Variants in ACSL3 observed in about 807,000 individuals in gnomAD.
ACSL3 encodes fatty acid CoA ligase Acsl3.
A neutral mutation model predicts 84.7 loss-of-function variants in ACSL3; 34 were observed. The observed-to-expected ratio is 0.40, with a 90% CI of 0.31 to 0.53. The LOEUF is 0.53. Among genes scored for constraint, ACSL3 ranks in the 20% least tolerant of loss-of-function variants. The probability of loss-of-function intolerance (pLI) is 0.48; values close to 1 mark genes in which losing one functional copy is unlikely to be tolerated. For missense variants in ACSL3, 680 were observed against 873.1 expected, an observed-to-expected ratio of 0.78 and a Z score of 2.79; for synonymous variants, 315 against 299.4, an observed-to-expected ratio of 1.05 and a Z score of -0.54.
At chr2:222,889,626 G>A (rs1695798457) in intron 2 of ACSL3, among the ~76,000 whole-genome samples, 1 of 152,210 alleles carries the variant, frequency 6.6e-6, no homozygotes. Context: ...AGCAAATTTG[G>A]ATTTGTATGT....
At chr2:222,877,842 A>G (rs1438467225) in intron 1 of ACSL3, among the ~76,000 whole-genome samples, 1 of 152,206 alleles carries the variant, frequency 6.6e-6, no homozygotes, top group Admixed American at 6.5e-5. Flanking sequence ...ATTTCTTTGT[A>G]TTACATGATG....
chr2:222,915,181 C>T (rs1353569594), intron 4 of ACSL3, among the ~76,000 whole-genome samples: 1 of 152,192 alleles, frequency 6.6e-6, no homozygotes, highest in African/African-American at 2.4e-5. Flanking sequence ...CCTCACAGAG[C>T]TCCTTTTGAA....
In ACSL3 at chr2:222,944,411, C is replaced by T. The variant is rs1267447981; in HGVS notation, c.*2757C>T. 1 of 151,868 alleles carries T rather than the reference C, an allele frequency of 6.6e-6. No homozygotes were observed. Among genetic ancestry groups the T allele is most frequent in the Admixed American group, 6.6e-5 (1 of 15,248 alleles). The allele number at this position is 151,868 out of a possible 1,614,324, so 9.4% of individuals were successfully genotyped here. ...ATCTGTGATGTTTTACAGGGGGATC[C>T]GCTTTTAAACAGTGTACATATTGGA... On this transcript the variant is annotated 3_prime_UTR_variant, in exon 17 of 17. Coordinates refer to ENST00000357430, the MANE Select transcript of ACSL3 (RefSeq NM_004457.5).
intron 10 of ACSL3, among the ~76,000 whole-genome samples, chr2:222,923,724 C>T (rs910983998): frequency 5.3e-5 from 8 of 152,120 alleles, no homozygotes; most frequent in Non-Finnish European, 8.8e-5. Context: ...GAATTATTGT[C>T]GGGTACCTAA....
intron 1 of ACSL3, among the ~76,000 whole-genome samples, chr2:222,868,659 G>A (rs1695215637): frequency 6.6e-6 from 1 of 152,148 alleles, no homozygotes; most frequent in South Asian, 2.1e-4. Context: ...CAATAATTTA[G>A]GATTTGGTTG....
chr2:222,914,839 T>G (rs1178497013), intron 4 of ACSL3, among the ~76,000 whole-genome samples: 1 of 152,248 alleles, frequency 6.6e-6, no homozygotes. Flanking sequence ...GTAATATTTA[T>G]GAAAAACATA....
chr2:222,865,641 GAA>G (rs1695116894), intron 1 of ACSL3, among the ~76,000 whole-genome samples: 1 of 152,178 alleles, frequency 6.6e-6, no homozygotes, highest in African/African-American at 2.4e-5. Context: ...AGGAAATAGA[GAA>G]AAAGTGCAGA....
At chr2:222,917,972 A>G (rs1002066286) in intron 5 of ACSL3, 74 bp from the exon 6 acceptor site, 3 of 1,074,858 alleles carry the variant, frequency 2.8e-6, no homozygotes, top group East Asian at 2.4e-5. Context: ...ATTATGATTC[A>G]TCTCCACATT....
chr2:222,867,417 A>G (rs1190051119), intron 1 of ACSL3, among the ~76,000 whole-genome samples: 3 of 152,146 alleles, frequency 2.0e-5, no homozygotes, highest in Admixed American at 6.5e-5. Flanking sequence ...TATTATTCCT[A>G]TGTATTTCTG....
At chr2:222,870,151 G>A (rs1250060319) in intron 1 of ACSL3, among the ~76,000 whole-genome samples, 1 of 148,220 alleles carries the variant, frequency 6.7e-6, no homozygotes, top group African/African-American at 2.6e-5. Flanking sequence ...TTGGGGGATG[G>A]AGAGGGATCT....
intron 1 of ACSL3, among the ~76,000 whole-genome samples, chr2:222,885,168 A>G (rs1009986617): frequency 6.6e-6 from 1 of 152,188 alleles, no homozygotes; most frequent in Admixed American, 6.5e-5. Context: ...ACCTAGTAGG[A>G]CCTGTCACCT....
intron 13 of ACSL3, among the ~76,000 whole-genome samples, chr2:222,929,316 G>A (rs1345669398): frequency 6.6e-6 from 1 of 150,476 alleles, no homozygotes; most frequent in African/African-American, 2.4e-5. Flanking sequence ...TTTTTTTTCT[G>A]AGGGCTTCAA....
intron 3 of ACSL3, among the ~76,000 whole-genome samples, chr2:222,906,739 C>T (rs765511539): frequency 3.3e-5 from 5 of 152,002 alleles, no homozygotes; most frequent in Non-Finnish European, 5.9e-5. Flanking sequence ...CTCAGCCTCC[C>T]GAGTAGCTGG....
intron 16 of ACSL3, among the ~76,000 whole-genome samples, chr2:222,937,481 ACACT>A (rs1274887391): frequency 4.6e-5 from 7 of 152,136 alleles, no homozygotes; most frequent in African/African-American, 1.7e-4. Context: ...ATATTTAGAA[ACACT>A]CAAGTTACGC....
At chr2:222,886,555 A>G (rs542991298) in intron 1 of ACSL3, among the ~76,000 whole-genome samples, 2 of 152,362 alleles carry the variant, frequency 1.3e-5, no homozygotes, top group African/African-American at 2.4e-5. Flanking sequence ...AAAAATAACT[A>G]TATAATGACT....
chr2:222,881,384 G>T (rs1017800747), intron 1 of ACSL3, among the ~76,000 whole-genome samples: 3 of 152,216 alleles, frequency 2.0e-5, no homozygotes, highest in African/African-American at 7.2e-5. Context: ...TGGCCTTGTT[G>T]TCCCTTACTT....
In ACSL3 at chr2:222,942,897, T is replaced by C. The variant is rs939823289; in HGVS notation, c.*1243T>C. The C allele has an allele frequency of 9.6e-5, 15 of 155,954 alleles. No individual in the cohort carries two copies. Among genetic ancestry groups the C allele is most frequent in the African/African-American group, 6.9e-4 (15 of 21,590 alleles). The allele number at this position is 155,954 out of a possible 1,614,324, so 9.7% of individuals were successfully genotyped here. The stretch of plus-strand genomic sequence containing the variant: ...GAAGTTATTTGTAATTCAGAAACCT[T>C]GCTTGTGTGATACATAGTCTCTTCA... On this transcript the variant is annotated 3_prime_UTR_variant, in exon 17 of 17. Transcript: ENST00000357430.
chr2:222,907,789 C>T (rs144576930), intron 3 of ACSL3, among the ~76,000 whole-genome samples: 32 of 151,694 alleles, frequency 2.1e-4, no homozygotes, highest in Non-Finnish European at 3.8e-4. Context: ...TATTACCCAC[C>T]TGCCACACAA....
intron 10 of ACSL3, among the ~76,000 whole-genome samples, chr2:222,923,517 T>C (rs898405192): frequency 1.3e-5 from 2 of 152,344 alleles, no homozygotes; most frequent in African/African-American, 4.8e-5. Context: ...GCTGTATAGT[T>C]ACCTCCTGAG....
Sources: gnomAD v4.1 joint callset for allele counts (sites outside exome capture counted in the v4.1 genomes callset) on GRCh38, gnomAD v4.1.1 for gene constraint, MANE v1.5 for transcripts, NCBI Gene and HGNC (gene_info 2026-07-23, HGNC 2026-07-21) for gene names.